The following IRAG1 variants were observed in gnomAD, a reference collection of about 807,000 sequenced individuals.
IRAG1 encodes IP3R-associated cGMP kinase substrate.
IRAG1 carries 62 observed loss-of-function variants against 106.2 expected under a neutral mutation model. That is an observed-to-expected ratio of 0.58 (90% CI 0.48 to 0.72). IRAG1 has a LOEUF of 0.72. Among genes scored for constraint, IRAG1 ranks in the 30% least tolerant of loss-of-function variants. The pLI, the probability that IRAG1 is intolerant of heterozygous loss-of-function variation, is 0.00. For synonymous variants in IRAG1, 462 were observed against 443.9 expected, an observed-to-expected ratio of 1.04 and a Z score of -0.51; for missense variants, 1,064 against 1,140.7, an observed-to-expected ratio of 0.93 and a Z score of 0.97.
In IRAG1 at chr11:10,633,967, C is replaced by A; in HGVS notation, c.329+1G>T. On this transcript the variant is annotated splice_donor_variant, in intron 3 of 20. Transcript: ENST00000423302. LOFTEE classifies it high-confidence loss of function. ...ACAATGCAAGGATCAGGCACCTGTA[C>A]CTGTTGGCCAGGTTTTTGTCGGTTT... is the stretch of plus-strand genomic sequence containing the variant. 9 of 1,603,654 alleles carry A rather than the reference C, an allele frequency of 5.6e-6. No homozygotes were observed. Among genetic ancestry groups the A allele is most frequent in the Non-Finnish European group, 7.7e-6 (9 of 1,171,910 alleles).
chr11:10,607,640 T>C (rs979336245), intron 11 of IRAG1, among the ~76,000 whole-genome samples: 1 of 142,574 alleles, frequency 7.0e-6, no homozygotes, highest in Non-Finnish European at 1.6e-5. Flanking sequence ...CCTACCAGCG[T>C]CACAGAACTT....
At chr11:10,584,507 CAT>C (rs1411886930) in intron 18 of IRAG1, among the ~76,000 whole-genome samples, 1 of 143,632 alleles carries the variant, frequency 7.0e-6, no homozygotes, top group Non-Finnish European at 1.5e-5. Flanking sequence ...AGGAGAAAAA[CAT>C]AGCTACAGCC....
intron 18 of IRAG1, among the ~76,000 whole-genome samples, chr11:10,583,623 G>C (rs1383919214): frequency 1.3e-5 from 2 of 152,192 alleles, no homozygotes; most frequent in Non-Finnish European, 2.9e-5. Flanking sequence ...GGGTGTGTTG[G>C]AGGGAGTGTG....
At chr11:10,680,404 G>GGAAGGAAGGAAAGAAAGAAAGGGAAA (rs71034778) in intron 1 of IRAG1, among the ~76,000 whole-genome samples, 7 of 82,090 alleles carry the variant, frequency 8.5e-5, no homozygotes, top group Non-Finnish European at 1.3e-4. Flanking sequence ...AAGGAAGGAA[G>GGAAGGAAGGAAAGAAAGAAAGGGAAA]GAAAGAAAGG....
intron 20 of IRAG1, among the ~76,000 whole-genome samples, 186 bp downstream of exon 20, chr11:10,580,269 G>A (rs544301145): frequency 6.6e-6 from 1 of 152,218 alleles, no homozygotes; most frequent in East Asian, 1.9e-4. Flanking sequence ...AGCTATCTTG[G>A]CTCTTTGGGA....
intron 2 of IRAG1, among the ~76,000 whole-genome samples, chr11:10,636,424 A>AC (rs1256426888): frequency 6.6e-6 from 1 of 152,104 alleles, no homozygotes; most frequent in African/African-American, 2.4e-5. Flanking sequence ...CGATCTTCCC[A>AC]CGTCTGCCTC....
intron 7 of IRAG1, 49 bp downstream of exon 7, chr11:10,627,924 A>G (rs777657107): frequency 1.9e-6 from 3 of 1,582,204 alleles, no homozygotes; most frequent in Non-Finnish European, 2.6e-6. Flanking sequence ...GGGTAAGGGG[A>G]GAGACCCATT....
At chr11:10,622,876 G>GACGCACACACACACACACACACACACAC (rs1855939920) in intron 10 of IRAG1, among the ~76,000 whole-genome samples, 1 of 141,384 alleles carries the variant, frequency 7.1e-6, no homozygotes, top group East Asian at 2.2e-4. Flanking sequence ...GTAAGCAGTG[G>GACGCACACACACACACACACACACACAC]ACACACACAC....
rs185854488 is a variant in IRAG1 at position 10,680,758 on chromosome 11, G to A, written c.67+12778C>T. 5.1e-3 allele frequency among the ~76,000 whole-genome samples: 782 copies of A among 152,202 alleles called. 6 individuals carry two copies. Among genetic ancestry groups the A allele is most frequent in the Middle Eastern group, 0.014 (4 of 294 alleles). On this transcript the variant is annotated intron_variant, in intron 1 of 20. Coordinates refer to ENST00000423302, the MANE Select transcript of IRAG1 (RefSeq NM_130385.4). ...TCAGTTTCCTCACTTGTAAAACATGGATAATAACAATCTTGTGAATTATGT... is the reference window on the plus strand; with the variant it reads ...TCAGTTTCCTCACTTGTAAAACATGAATAATAACAATCTTGTGAATTATGT...
chr11:10,593,424 T>C, intron 17 of IRAG1, 68 bp downstream of exon 17: 1 of 1,405,108 alleles, frequency 7.1e-7, no homozygotes, highest in African/African-American at 1.4e-5. Context: ...CTCCCTGCCC[T>C]AGGACTGAGT....
At chr11:10,617,072 C>T in intron 10 of IRAG1, 1 of 985,298 alleles carries the variant, frequency 1.0e-6, no homozygotes, top group Non-Finnish European at 1.2e-6. Flanking sequence ...TCTTTCCTGC[C>T]CAAGACCTGA....
intron 1 of IRAG1, among the ~76,000 whole-genome samples, chr11:10,658,758 A>G (rs895462110): frequency 3.4e-5 from 5 of 146,002 alleles, no homozygotes; most frequent in Non-Finnish European, 5.9e-5. Flanking sequence ...TGCTGTGGTC[A>G]GTCCCAGGTC....
intron 10 of IRAG1, among the ~76,000 whole-genome samples, chr11:10,611,180 A>G (rs1370277293): frequency 6.6e-6 from 1 of 152,224 alleles, no homozygotes; most frequent in East Asian, 1.9e-4. Context: ...GTAGCCAAGT[A>G]AGCTGGAGGA....
rs1319193227 is a variant in IRAG1 at position 10,627,630 on chromosome 11, A to G, written c.750+86T>C. The G allele has an allele frequency of 5.5e-6, 8 of 1,450,090 alleles. No homozygotes were observed. In the East Asian group the frequency reaches 1.8e-4, roughly 33 times the overall value. 89.8% of individuals were successfully genotyped at this position (1,450,090 alleles called of 1,614,324 possible). ...ATACGTGTGCATGCACACACACTTG[A>G]AGGCTGCCCAGGAGCCAGCCTAGGC... is the stretch of plus-strand genomic sequence containing the variant. On this transcript the variant is annotated intron_variant, in intron 8 of 20. Transcript: ENST00000423302.
At chr11:10,671,229 T>C (rs1292988918) in intron 1 of IRAG1, among the ~76,000 whole-genome samples, 1 of 152,194 alleles carries the variant, frequency 6.6e-6, no homozygotes, top group Non-Finnish European at 1.5e-5. Context: ...ATCTTATATA[T>C]GCAAAATCCT....
intron 3 of IRAG1, among the ~76,000 whole-genome samples, chr11:10,632,692 T>C (rs909134155): frequency 2.6e-5 from 4 of 152,218 alleles, no homozygotes; most frequent in Non-Finnish European, 4.4e-5. Context: ...TTCCAACCAC[T>C]GCCCTAAGAG....
intron 13 of IRAG1, 38 bp from the exon 14 acceptor site, chr11:10,603,289 T>C (rs757281331): frequency 6.2e-7 from 1 of 1,608,374 alleles, no homozygotes; most frequent in Non-Finnish European, 8.5e-7. Context: ...GGTCCTCAAA[T>C]AATGTTATGG....
intron 15 of IRAG1, 112 bp from the exon 16 acceptor site, chr11:10,594,307 T>C: frequency 9.9e-7 from 1 of 1,012,622 alleles, no homozygotes; most frequent in East Asian, 2.6e-5. Context: ...CCTCAAGGGA[T>C]AGCCCAAGGG....
At chr11:10,620,316 C>G (rs1044419840) in intron 10 of IRAG1, among the ~76,000 whole-genome samples, 1 of 151,418 alleles carries the variant, frequency 6.6e-6, no homozygotes, top group African/African-American at 2.4e-5. Context: ...TAAAATAACA[C>G]AAAACGTATT....
Sources: gnomAD v4.1 joint callset for allele counts (sites outside exome capture counted in the v4.1 genomes callset) on GRCh38, gnomAD v4.1.1 for gene constraint, MANE v1.5 for transcripts, NCBI Gene and HGNC (gene_info 2026-07-23, HGNC 2026-07-21) for gene names.